Variants in CDC42EP3 observed in about 807,000 individuals in gnomAD.
CDC42EP3 encodes the protein CDC42 effector protein (Rho GTPase binding) 3.
In CDC42EP3, 4 loss-of-function variants were observed where a neutral mutation model predicts 15.5. That is an observed-to-expected ratio of 0.26 (90% confidence interval 0.13 to 0.59). The LOEUF is 0.59. Among genes scored for constraint, CDC42EP3 ranks in the 20% least tolerant of loss-of-function variants. The probability of loss-of-function intolerance (pLI) is 0.89; values close to 1 mark genes in which losing one functional copy is unlikely to be tolerated. For synonymous variants in CDC42EP3, 145 were observed against 130.3 expected (o/e 1.11, Z -0.77); for missense variants, 309 against 311.2 (o/e 0.99, Z 0.05).
At chr2:37,666,623 C>T (rs1666258144) in intron 1 of CDC42EP3, among the ~76,000 whole-genome samples, 1 of 152,078 alleles carries the variant, frequency 6.6e-6, no homozygotes, top group South Asian at 2.1e-4. Context: ...GTTTGGAACT[C>T]ATCAGCTTTC....
chr2:37,662,284 T>C (rs4670749), intron 1 of CDC42EP3, among the ~76,000 whole-genome samples: 140,121 of 152,142 alleles, frequency 0.92, 64,739 homozygotes, highest in East Asian at 1. Flanking sequence ...GGAGTCTTCC[T>C]GGGTAACAAC....
At chr2:37,670,636 T>C (rs963776756) in intron 1 of CDC42EP3, among the ~76,000 whole-genome samples, 1 of 152,156 alleles carries the variant, frequency 6.6e-6, no homozygotes, top group Non-Finnish European at 1.5e-5. Flanking sequence ...CTCTCAGTAA[T>C]GTAACATTCA....
intron 1 of CDC42EP3, among the ~76,000 whole-genome samples, chr2:37,655,552 G>C (rs766229072): frequency 2.0e-5 from 3 of 151,916 alleles, no homozygotes; most frequent in Non-Finnish European, 2.9e-5. Flanking sequence ...ATAGAACTCT[G>C]GCAGTTACAA....
chr2:37,666,810 A>C (rs1666264454), intron 1 of CDC42EP3, among the ~76,000 whole-genome samples: 1 of 77,104 alleles, frequency 1.3e-5, no homozygotes, highest in Admixed American at 2.0e-4. Context: ...ATCAAGGAGA[A>C]AGCTTTTTTT....
intron 1 of CDC42EP3, among the ~76,000 whole-genome samples, chr2:37,657,668 A>C (rs768849911): frequency 2.6e-5 from 4 of 152,148 alleles, no homozygotes; most frequent in Non-Finnish European, 4.4e-5. Flanking sequence ...TTTATAGATA[A>C]AGTTTTATTA....
At chr2:37,655,619 T>C (rs1277083385) in intron 1 of CDC42EP3, among the ~76,000 whole-genome samples, 1 of 152,154 alleles carries the variant, frequency 6.6e-6, no homozygotes, top group East Asian at 1.9e-4. Flanking sequence ...GGACGTGTTG[T>C]ACATGGCACC....
rs1321687714 is a variant in CDC42EP3 at position 37,645,341 on chromosome 2, A to G, written c.*482T>C. The G allele has an allele frequency of 2.6e-5, 4 of 152,834 alleles. No homozygotes were observed. Among genetic ancestry groups the G allele is most frequent in the Non-Finnish European group, 1.5e-5 (1 of 68,156 alleles). 9.5% of individuals were successfully genotyped at this position (152,834 alleles called of 1,614,324 possible). A position where few individuals can be genotyped will look rare whatever the true frequency, so the allele number is the denominator to read the frequency against. On this transcript the variant is annotated 3_prime_UTR_variant, in exon 2 of 2. Transcript: ENST00000295324. ...CCATAAAGTTCAAATGTGAAAACAG[A>G]AAAGTTTTAACACTGGAGAATTCGC... is the stretch of plus-strand genomic sequence containing the variant.
chr2:37,670,789 AC>A (rs1451442288), intron 1 of CDC42EP3, among the ~76,000 whole-genome samples: 12 of 68,948 alleles, frequency 1.7e-4, no homozygotes, highest in Non-Finnish European at 4.4e-4. Flanking sequence ...ATAATTCATA[AC>A]GAAAAAATGG....
Position 37,644,919 on chromosome 2 carries a change from C to T in CDC42EP3, c.*904G>A, listed in dbSNP as rs1386930440. On this transcript the variant is annotated 3_prime_UTR_variant, in exon 2 of 2. Coordinates refer to ENST00000295324, the MANE Select transcript of CDC42EP3 (RefSeq NM_006449.5). ...TACTGTACTAAAATACCTATATTTC[C>T]AAATAACATATGTGGTGTAGCCCAC... 6.6e-6 allele frequency: 1 copy of T among 152,052 alleles called. No homozygotes were observed. Among genetic ancestry groups the T allele is most frequent in the Non-Finnish European group, 1.5e-5 (1 of 68,012 alleles). 9.4% of individuals were successfully genotyped at this position (152,052 alleles called of 1,614,324 possible).
chr2:37,659,709 G>C (rs1005582587), intron 1 of CDC42EP3, among the ~76,000 whole-genome samples: 3 of 152,188 alleles, frequency 2.0e-5, no homozygotes, highest in Non-Finnish European at 4.4e-5. Context: ...TTCAAAAGGA[G>C]ATGTGTTAAG....
chr2:37,661,668 G>T (rs1306647642), intron 1 of CDC42EP3, among the ~76,000 whole-genome samples: 3 of 152,156 alleles, frequency 2.0e-5, no homozygotes, highest in Non-Finnish European at 2.9e-5. Context: ...AGGCTACCGG[G>T]AGCTGACAGC....
chr2:37,650,638 C>T (rs180738295), intron 1 of CDC42EP3, among the ~76,000 whole-genome samples: 7 of 152,284 alleles, frequency 4.6e-5, no homozygotes, highest in South Asian at 2.1e-4. Flanking sequence ...CTACCAAGCA[C>T]GAAGCCACAT....
rs1665282057 is a variant in CDC42EP3, at chr2:37,641,974, A to G, written c.*3849T>C. The G allele has an allele frequency of 6.6e-6, 1 of 152,180 alleles. No individual in the cohort carries two copies. Among genetic ancestry groups the G allele is most frequent in the African/African-American group, 2.4e-5 (1 of 41,440 alleles). The allele number at this position is 152,180 out of a possible 1,614,324, so 9.4% of individuals were successfully genotyped here. A position where few individuals can be genotyped will look rare whatever the true frequency, so the allele number is the denominator to read the frequency against. On this transcript the variant is annotated 3_prime_UTR_variant, in exon 2 of 2. Transcript: ENST00000295324. ...TGTAAAACAGATTTCATTGTGTTAT[A>G]CATCACTTCATAAAGTAAGCATAGT...
chr2:37,659,283 A>T (rs1665979837), intron 1 of CDC42EP3, among the ~76,000 whole-genome samples: 1 of 152,234 alleles, frequency 6.6e-6, no homozygotes, highest in Non-Finnish European at 1.5e-5. Context: ...TGAAAATGCA[A>T]GATGGAATCT....
chr2:37,661,957 T>C (rs1301110001), intron 1 of CDC42EP3, among the ~76,000 whole-genome samples: 1 of 152,102 alleles, frequency 6.6e-6, no homozygotes, highest in Non-Finnish European at 1.5e-5. Context: ...CTTAAACACT[T>C]AAGGCCTTGG....
chr2:37,646,215 G>A lies in CDC42EP3; in HGVS notation c.373C>T (p.Pro125Ser). The change falls in exon 2 of 2, where the codon CCA becomes TCA. Residue 125 changes from proline to serine, a missense_variant. By Grantham distance (74) the Pro-to-Ser change is moderately conservative (BLOSUM62 -1). Transcript: ENST00000295324. ...TCCTGTTTGGAATTAAATGTCACTG[G>A]TGACAATAAGGGCAACATGAGAGCT... ...SQALMLPLLSPVTFNSKQESF... is the reference protein window; with the variant it reads ...SQALMLPLLSSVTFNSKQESF... 2 of 1,614,186 alleles carry A rather than the reference G, an allele frequency of 1.2e-6. No individual in the cohort carries two copies. Among genetic ancestry groups the A allele is most frequent in the Non-Finnish European group, 1.7e-6 (2 of 1,180,034 alleles).
At position 37,642,355 on chromosome 2, in the gene CDC42EP3, GGTT is replaced by G. The variant is rs1242033389; in HGVS notation, c.*3465_*3467del. ...AACCAACCAGAAGGCTTCCCCGCTG[GGTT>G]GATGGTGGCTTATCATTTGGCATCT... On this transcript the variant is annotated 3_prime_UTR_variant, in exon 2 of 2. Transcript: ENST00000295324. 3.3e-5 allele frequency: 5 copies of G among 152,204 alleles called. No individual in the cohort carries two copies. The highest frequency in any genetic ancestry group is 1.2e-4 in the African/African-American group (5 of 41,440). 9.4% of individuals were successfully genotyped at this position (152,204 alleles called of 1,614,324 possible).
chr2:37,656,996 C>T (rs1260368388), intron 1 of CDC42EP3, among the ~76,000 whole-genome samples: 2 of 78,470 alleles, frequency 2.5e-5, no homozygotes, highest in African/African-American at 6.0e-5. Flanking sequence ...CCCCACCCCC[C>T]GCCCCCCGCC....
At chr2:37,660,495 G>A (rs577737213) in intron 1 of CDC42EP3, among the ~76,000 whole-genome samples, 3 of 152,204 alleles carry the variant, frequency 2.0e-5, no homozygotes, top group Non-Finnish European at 2.9e-5. Flanking sequence ...TAAAAGTGGT[G>A]TTTTCATACC....
Sources: gnomAD v4.1 joint callset for allele counts (sites outside exome capture counted in the v4.1 genomes callset) on GRCh38, gnomAD v4.1.1 for gene constraint, MANE v1.5 for transcripts, NCBI Gene and HGNC (gene_info 2026-07-23, HGNC 2026-07-21) for gene names.